Variants in GABRG3 observed in about 807,000 individuals in gnomAD.
GABRG3 encodes gamma-aminobutyric acid type A receptor subunit gamma3, also known as gamma-aminobutyric acid receptor subunit gamma-3.
A neutral mutation model predicts 48.8 loss-of-function variants in GABRG3; 25 were observed. The ratio of observed to expected loss-of-function variants is 0.51; its 90% confidence interval spans 0.37 to 0.72. The LOEUF (loss-of-function observed/expected upper bound fraction) is 0.72. Ranked by LOEUF, GABRG3 falls within the 30% of genes least tolerant of loss-of-function variation. The pLI is 0.00. For synonymous variants in GABRG3, 227 were observed against 217.6 expected (o/e 1.04, Z -0.38); for missense variants, 394 against 577.9 (o/e 0.68, Z 3.26).
intron 3 of GABRG3, among the ~76,000 whole-genome samples, chr15:27,160,497 T>C (rs997888648): frequency 6.6e-6 from 1 of 152,214 alleles, no homozygotes; most frequent in South Asian, 2.1e-4. Flanking sequence ...TTATTACTTT[T>C]CTCTTTTATA....
At position 27,540,101 on chromosome 15, in the gene GABRG3, A is replaced by C. The variant is rs1891632321; in HGVS notation, c.*7220A>C. Reference sequence around the variant, plus strand: ...GGAAAAAGCGAAAAAGTTTCATTAGAGTTTAAACATTAAGTATACAGATCC... The same window carrying C: ...GGAAAAAGCGAAAAAGTTTCATTAGCGTTTAAACATTAAGTATACAGATCC... On this transcript the variant is annotated 3_prime_UTR_variant, in exon 10 of 10. Coordinates refer to ENST00000615808, the MANE Select transcript of GABRG3 (RefSeq NM_033223.5). The C allele has an allele frequency of 6.6e-6, 1 of 152,238 alleles. No individual in the cohort carries two copies. Among genetic ancestry groups the C allele is most frequent in the African/African-American group, 2.4e-5 (1 of 41,464 alleles). The allele number at this position is 152,238 out of a possible 1,614,324, so 9.4% of individuals were successfully genotyped here. A position where few individuals can be genotyped will look rare whatever the true frequency, so the allele number is the denominator to read the frequency against.
intron 5 of GABRG3, among the ~76,000 whole-genome samples, chr15:27,403,914 C>CAAAAAAAAAAAAAAAAAA (rs528760544): frequency 7.3e-5 from 5 of 68,546 alleles, no homozygotes; most frequent in East Asian, 5.9e-4. Flanking sequence ...CAAAAAAAAA[C>CAAAAAAAAAAAAAAAAAA]AAAAAAAAAA....
At chr15:27,055,811 A>C (rs1197347401) in intron 3 of GABRG3, among the ~76,000 whole-genome samples, 4 of 152,218 alleles carry the variant, frequency 2.6e-5, no homozygotes, top group African/African-American at 9.6e-5. Context: ...AGGTTTGAGA[A>C]CAAAGCAAAA....
intron 3 of GABRG3, among the ~76,000 whole-genome samples, chr15:27,125,834 G>A (rs1342648642): frequency 6.6e-6 from 1 of 152,240 alleles, no homozygotes; most frequent in East Asian, 1.9e-4. Flanking sequence ...GTGCACTGTG[G>A]CACTCGTCCT....
At chr15:27,083,419 G>A (rs111847811) in intron 3 of GABRG3, among the ~76,000 whole-genome samples, 3 of 147,306 alleles carry the variant, frequency 2.0e-5, no homozygotes, top group African/African-American at 2.5e-5. Context: ...TGCAACCTCC[G>A]CCACCCGGAT....
intron 5 of GABRG3, among the ~76,000 whole-genome samples, chr15:27,452,179 A>C (rs1361740716): frequency 6.6e-6 from 1 of 152,208 alleles, no homozygotes; most frequent in Admixed American, 6.5e-5. Flanking sequence ...CCTCAGTGAG[A>C]TATCACCTCA....
intron 3 of GABRG3, among the ~76,000 whole-genome samples, chr15:27,165,974 G>A (rs1016993766): frequency 6.6e-6 from 1 of 152,138 alleles, no homozygotes; most frequent in Admixed American, 6.5e-5. Context: ...ACAAAGCAGG[G>A]GAGAGCAAGA....
rs565579517 is a variant in GABRG3 at position 27,056,165 on chromosome 15, A to C, written c.270+29344A>C. Among the ~76,000 whole-genome samples the C allele has an allele frequency of 2.6e-5, 4 of 151,970 alleles. No individual in the cohort carries two copies. In the South Asian group the frequency reaches 6.2e-4, roughly 24 times the overall value. ...GGAGTTCGAGATCAGCCTGGGCAAC[A>C]TGGAGAAAACCCATGTCTACAAAAA... On this transcript the variant is annotated intron_variant, in intron 3 of 9. Coordinates refer to ENST00000615808, the MANE Select transcript of GABRG3 (RefSeq NM_033223.5).
chr15:27,278,264 C>T (rs1210226248), intron 3 of GABRG3, among the ~76,000 whole-genome samples: 1 of 152,074 alleles, frequency 6.6e-6, no homozygotes, highest in Non-Finnish European at 1.5e-5. Context: ...ATTGACCAGG[C>T]TGGTCTCAAA....
At chr15:27,219,358 C>T (rs1179162003) in intron 3 of GABRG3, among the ~76,000 whole-genome samples, 3 of 152,214 alleles carry the variant, frequency 2.0e-5, no homozygotes, top group African/African-American at 7.2e-5. Context: ...GGCTCAATCC[C>T]TCCCTTACTC....
chr15:27,257,470 C>CT (rs1345022626), intron 3 of GABRG3, among the ~76,000 whole-genome samples: 1 of 151,312 alleles, frequency 6.6e-6, no homozygotes, highest in East Asian at 1.9e-4. Flanking sequence ...TGTCATGGAG[C>CT]TTTTTCCCTG....
At chr15:27,272,721 G>C (rs1891129944) in intron 3 of GABRG3, among the ~76,000 whole-genome samples, 1 of 152,150 alleles carries the variant, frequency 6.6e-6, no homozygotes, top group Non-Finnish European at 1.5e-5. Context: ...AAAGAAGAGT[G>C]CTTCAAAAAG....
intron 3 of GABRG3, among the ~76,000 whole-genome samples, chr15:27,264,106 A>C (rs982076843): frequency 2.0e-5 from 3 of 152,082 alleles, no homozygotes; most frequent in Non-Finnish European, 4.4e-5. Context: ...GATTCAAATC[A>C]GAAGTAACAG....
At chr15:27,480,842 A>G in intron 6 of GABRG3, 55 bp downstream of exon 6, 2 of 1,595,210 alleles carry the variant, frequency 1.3e-6, no homozygotes, top group Admixed American at 3.5e-5. Context: ...GCCTAAGGCC[A>G]TATGTAGTCA....
chr15:27,366,616 G>A (rs1185381678), intron 5 of GABRG3, among the ~76,000 whole-genome samples: 2 of 152,126 alleles, frequency 1.3e-5, no homozygotes, highest in African/African-American at 4.8e-5. Flanking sequence ...CCTGGGTTAA[G>A]GAACGAACCC....
chr15:27,529,881 C>A (rs1891378325), intron 9 of GABRG3, among the ~76,000 whole-genome samples: 5 of 136,982 alleles, frequency 3.7e-5, no homozygotes, highest in Admixed American at 7.3e-5. Flanking sequence ...ACAAAATGAG[C>A]AGAAAATTAA....
intron 6 of GABRG3, among the ~76,000 whole-genome samples, chr15:27,497,705 T>C (rs1890520628): frequency 6.6e-6 from 1 of 152,238 alleles, no homozygotes; most frequent in South Asian, 2.1e-4. Context: ...TATTTTTTGA[T>C]ATGTTGTGTG....
chr15:27,229,471 G>GT (rs1256987041), intron 3 of GABRG3, among the ~76,000 whole-genome samples: 2 of 151,560 alleles, frequency 1.3e-5, no homozygotes, highest in African/African-American at 2.4e-5. Context: ...GTGTGTGTGT[G>GT]TGTTGTTGTT....
At chr15:27,305,239 G>A (rs1892356807) in intron 3 of GABRG3, among the ~76,000 whole-genome samples, 1 of 151,252 alleles carries the variant, frequency 6.6e-6, no homozygotes. Context: ...AACGCAGACT[G>A]GAAAACAGAA....
Sources: allele counts gnomAD v4.1 joint callset (sites outside exome capture counted in the v4.1 genomes callset), GRCh38; gene constraint gnomAD v4.1.1; transcripts MANE v1.5; gene names NCBI Gene and HGNC (gene_info 2026-07-23, HGNC 2026-07-21).